The following SLCO1B3 variants were observed in gnomAD, a reference collection of about 807,000 sequenced individuals.
SLCO1B3 encodes liver-specific organic anion transporter 2.
SLCO1B3 carries 72 observed loss-of-function variants against 71.8 expected under a neutral mutation model. The ratio of observed to expected loss-of-function variants is 1.00; its 90% confidence interval spans 0.83 to 1.22. The LOEUF is 1.22. SLCO1B3 is among the 50% of genes most tolerant of loss of function. The pLI is 0.00. For synonymous variants in SLCO1B3, 298 were observed against 278.4 expected (o/e 1.07, Z -0.70); for missense variants, 911 against 819.7 (o/e 1.11, Z -1.36).
At chr12:20,885,482 A>C (rs977491345) in intron 13 of SLCO1B3, among the ~76,000 whole-genome samples, 1 of 150,368 alleles carries the variant, frequency 6.7e-6, no homozygotes, top group South Asian at 2.2e-4. Context: ...GCAAGTAAAT[A>C]TGTAAAACAG....
chr12:20,886,952 AAAGT>A (rs1865802709), intron 13 of SLCO1B3, among the ~76,000 whole-genome samples: 1 of 152,014 alleles, frequency 6.6e-6, no homozygotes, highest in Non-Finnish European at 1.5e-5. Context: ...CTCCCACATC[AAAGT>A]AAGTACATGC....
chr12:20,823,848 G>T (rs770654852), intron 3 of SLCO1B3, among the ~76,000 whole-genome samples: 19 of 152,184 alleles, frequency 1.2e-4, no homozygotes, highest in Non-Finnish European at 2.6e-4. Flanking sequence ...TCATGACCCT[G>T]TAAAGGATAA....
intron 3 of SLCO1B3, among the ~76,000 whole-genome samples, chr12:20,850,559 G>C (rs929164572): frequency 2.6e-5 from 4 of 152,132 alleles, no homozygotes; most frequent in African/African-American, 9.7e-5. Flanking sequence ...TGGGAATATA[G>C]GCGTAAGCCA....
chr12:20,812,210 T>C (rs183429555), intron 1 of SLCO1B3, among the ~76,000 whole-genome samples: 1 of 152,100 alleles, frequency 6.6e-6, no homozygotes, highest in Non-Finnish European at 1.5e-5. Context: ...CCCGGCCTAC[T>C]TGATACAATT....
chr12:20,825,239 A>G (rs1864396976), intron 3 of SLCO1B3, among the ~76,000 whole-genome samples: 1 of 152,104 alleles, frequency 6.6e-6, no homozygotes, highest in South Asian at 2.1e-4. Context: ...TATAATATTA[A>G]TGTGTAATTT....
intron 13 of SLCO1B3, among the ~76,000 whole-genome samples, chr12:20,888,760 T>C (rs1319272092): frequency 1.5e-4 from 23 of 152,112 alleles, no homozygotes; most frequent in Non-Finnish European, 3.4e-4. Flanking sequence ...CATCCTCATC[T>C]TGGGTCCATT....
At chr12:20,895,362 A>T (rs1565605528) in intron 13 of SLCO1B3, among the ~76,000 whole-genome samples, 1 of 152,212 alleles carries the variant, frequency 6.6e-6, no homozygotes, top group Non-Finnish European at 1.5e-5. Context: ...AAAGCAAGCT[A>T]GTTACTTCCT....
intron 15 of SLCO1B3, among the ~76,000 whole-genome samples, chr12:20,903,092 AT>A (rs1866163099): frequency 7.0e-6 from 1 of 142,412 alleles, no homozygotes; most frequent in Non-Finnish European, 1.6e-5. Context: ...AAAAAAATCA[AT>A]GCAAACATCA....
intron 3 of SLCO1B3, among the ~76,000 whole-genome samples, chr12:20,817,708 C>G (rs1305103891): frequency 6.6e-6 from 1 of 152,086 alleles, no homozygotes; most frequent in African/African-American, 2.4e-5. Flanking sequence ...CTGCCTCAGC[C>G]TCCTGAGTAG....
intron 15 of SLCO1B3, among the ~76,000 whole-genome samples, chr12:20,910,397 T>G (rs1020873385): frequency 5.3e-5 from 8 of 152,210 alleles, no homozygotes; most frequent in Non-Finnish European, 1.5e-5. Flanking sequence ...AGTCCTATTA[T>G]TGTGTTCTTA....
At chr12:20,868,207 TC>T (rs1163808357) in intron 8 of SLCO1B3, among the ~76,000 whole-genome samples, 3 of 152,054 alleles carry the variant, frequency 2.0e-5, no homozygotes, top group African/African-American at 7.2e-5. Flanking sequence ...AAATTCAACA[TC>T]CCTTCATAAT....
At chr12:20,843,237 G>A (rs1864839474) in intron 3 of SLCO1B3, among the ~76,000 whole-genome samples, 1 of 150,892 alleles carries the variant, frequency 6.6e-6, no homozygotes, top group Non-Finnish European at 1.5e-5. Flanking sequence ...TTCTATTTTT[G>A]GTCTCATTTT....
chr12:20,820,803 G>T (rs1458547475), intron 3 of SLCO1B3, among the ~76,000 whole-genome samples: 1 of 151,542 alleles, frequency 6.6e-6, no homozygotes, highest in African/African-American at 2.4e-5. Context: ...ACTGGGCTGG[G>T]TTTTTATATT....
chr12:20,846,617 G>C (rs969119499), intron 3 of SLCO1B3, among the ~76,000 whole-genome samples: 1 of 152,154 alleles, frequency 6.6e-6, no homozygotes, highest in African/African-American at 2.4e-5. Flanking sequence ...TGGAAGAACA[G>C]GGGATAACCA....
rs908763607 is a variant in SLCO1B3, at chr12:20,861,197, TAA to T, written c.481+61_481+62del. 2.1e-6 allele frequency: 3 copies of T among 1,439,202 alleles called. No homozygotes were observed. In the African/African-American group the frequency reaches 4.3e-5, roughly 21 times the overall value. The allele number at this position is 1,439,202 out of a possible 1,614,324, so 89.2% of individuals were successfully genotyped here. On this transcript the variant is annotated intron_variant, in intron 6 of 15. Coordinates refer to ENST00000381545, the MANE Select transcript of SLCO1B3 (RefSeq NM_019844.4). Reference sequence around the variant, plus strand: ...AGATTGATAGATTTAATCACGTCTATAAAGTTTCTGATATTCTTTAACAAAAT... The same window carrying T: ...AGATTGATAGATTTAATCACGTCTATAGTTTCTGATATTCTTTAACAAAAT...
intron 3 of SLCO1B3, 67 bp from the exon 4 acceptor site, chr12:20,854,961 A>G: frequency 7.2e-7 from 1 of 1,395,388 alleles, no homozygotes; most frequent in East Asian, 2.3e-5. Context: ...TTTTAGTTCC[A>G]TGTACCTATA....
chr12:20,890,067 G>GCA, intron 13 of SLCO1B3, among the ~76,000 whole-genome samples: 1 of 151,808 alleles, frequency 6.6e-6, no homozygotes, highest in East Asian at 1.9e-4. Flanking sequence ...AAAGACCTGT[G>GCA]CCACCACACC....
intron 15 of SLCO1B3, among the ~76,000 whole-genome samples, chr12:20,915,049 A>C (rs897773769): frequency 1.7e-4 from 26 of 151,912 alleles, no homozygotes; most frequent in African/African-American, 5.8e-4. Context: ...TTGGTGTCTG[A>C]CATTAATTCA....
At chr12:20,827,861 C>G (rs1316969875) in intron 3 of SLCO1B3, among the ~76,000 whole-genome samples, 1 of 152,134 alleles carries the variant, frequency 6.6e-6, no homozygotes, top group Admixed American at 6.5e-5. Flanking sequence ...AGCCACGGTG[C>G]ACAAGCTCCA....
Sources: allele counts gnomAD v4.1 joint callset (sites outside exome capture counted in the v4.1 genomes callset), GRCh38; gene constraint gnomAD v4.1.1; transcripts MANE v1.5; gene names NCBI Gene and HGNC (gene_info 2026-07-23, HGNC 2026-07-21).